Variants in ECD observed in about 807,000 individuals in gnomAD.
The protein encoded by ECD is ecdysoneless cell cycle regulator, also known as protein ecdysoneless homolog.
In ECD, 59 loss-of-function variants were observed where a neutral mutation model predicts 77.2. The ratio of observed to expected loss-of-function variants is 0.76; its 90% confidence interval spans 0.62 to 0.95. The LOEUF (loss-of-function observed/expected upper bound fraction) is 0.95. ECD is among the 40% of genes least tolerant of loss of function. The probability of loss-of-function intolerance (pLI) is 0.00; values close to 1 mark genes in which losing one functional copy is unlikely to be tolerated. For synonymous variants in ECD, 233 were observed against 267.4 expected (o/e 0.87, Z 1.26); for missense variants, 704 against 763.4 (o/e 0.92, Z 0.92).
Position 73,149,751 on chromosome 10 carries a change from G to C in ECD, c.913-1347C>G, listed in dbSNP as rs943423544. On this transcript the variant is annotated intron_variant, in intron 7 of 13. Coordinates refer to ENST00000372979, the MANE Select transcript of ECD (RefSeq NM_007265.3). ...AGGAAGTTACCCCACTGTAAGTCAA[G>C]GAACATCTGTTTTGCCAAAATGTTC... Among the ~76,000 whole-genome samples the C allele has an allele frequency of 2.6e-5, 4 of 152,190 alleles. No individual in the cohort carries two copies. In the East Asian group the frequency reaches 7.7e-4, roughly 29 times the overall value.
At chr10:73,139,831 T>TC in intron 9 of ECD, 94 bp from the exon 10 acceptor site, 4 of 818,404 alleles carry the variant, frequency 4.9e-6, no homozygotes, top group South Asian at 2.1e-5. Context: ...AGGGATTAGC[T>TC]AGTCTAATTT....
chr10:73,151,955 T>G (rs879301303), intron 7 of ECD, among the ~76,000 whole-genome samples: 14 of 152,218 alleles, frequency 9.2e-5, no homozygotes, highest in Non-Finnish European at 1.5e-4. Flanking sequence ...TGGTTTCAAG[T>G]CATGCATAGA....
intron 12 of ECD, among the ~76,000 whole-genome samples, chr10:73,137,783 A>G (rs1343064933): frequency 6.6e-6 from 1 of 152,050 alleles, no homozygotes; most frequent in African/African-American, 2.4e-5. Context: ...CTCAAAAAAA[A>G]AAAAAAAAAA....
chr10:73,157,346 G>A (rs373637626), intron 3 of ECD, among the ~76,000 whole-genome samples: 2 of 151,210 alleles, frequency 1.3e-5, no homozygotes, highest in African/African-American at 2.4e-5. Context: ...CACCACGCCC[G>A]GCCCGTATCA....
chr10:73,136,396 T>C (rs1270968811), intron 13 of ECD, among the ~76,000 whole-genome samples: 2 of 152,222 alleles, frequency 1.3e-5, no homozygotes, highest in African/African-American at 4.8e-5. Context: ...GCTGTAGTTT[T>C]TTTAAACTAC....
chr10:73,157,582 C>A (rs900549633), intron 3 of ECD, among the ~76,000 whole-genome samples: 1 of 151,138 alleles, frequency 6.6e-6, no homozygotes, highest in Non-Finnish European at 1.5e-5. Flanking sequence ...ATCAGCCAGG[C>A]GTGGTGGCCC....
chr10:73,139,555 G>T (rs768185082), intron 10 of ECD, 60 bp from the exon 11 acceptor site: 77 of 1,595,342 alleles, frequency 4.8e-5, no homozygotes, highest in Non-Finnish European at 6.1e-5. Context: ...TCTTAGGAGA[G>T]GATCCTGTGA....
chr10:73,142,287 G>T (rs919002256), intron 9 of ECD, among the ~76,000 whole-genome samples: 6 of 151,996 alleles, frequency 3.9e-5, no homozygotes, highest in Non-Finnish European at 7.4e-5. Flanking sequence ...GGGATTACAG[G>T]TGTGAGCCAC....
rs1843295692 is a variant in ECD, at chr10:73,156,322, T to C, written c.543A>G (p.Ile181Met). The change falls in exon 5 of 14, where the codon ATA becomes ATG. Residue 181 changes from isoleucine (I) to methionine (M), a missense_variant. This residue lies in a region of ECD where 559 missense variants were observed against 583.7 expected (regional missense o/e 0.96). Transcript: ENST00000372979. ...CAGCTCGTATAGATTCTGAAGCAAG[T>C]ATTTTTTCTGAATGTGCTGTGATTA... ...LNIITAHSEK[I>M]LASESIRAAV... 1 of 1,612,092 alleles carries C rather than the reference T, an allele frequency of 6.2e-7. No individual in the cohort carries two copies. Among genetic ancestry groups the C allele is most frequent in the Admixed American group, 1.7e-5 (1 of 59,536 alleles).
intron 1 of ECD, among the ~76,000 whole-genome samples, chr10:73,164,853 G>C (rs1434814208): frequency 6.6e-6 from 1 of 152,070 alleles, no homozygotes; most frequent in Non-Finnish European, 1.5e-5. Flanking sequence ...TAGAAATCTA[G>C]TATCACATTC....
chr10:73,150,789 CG>C (rs1843191753), intron 7 of ECD, among the ~76,000 whole-genome samples: 1 of 152,130 alleles, frequency 6.6e-6, no homozygotes, highest in Non-Finnish European at 1.5e-5. Flanking sequence ...CATCATCACT[CG>C]CCATCAGAGA....
chr10:73,163,780 T>A lies in ECD; in HGVS notation c.158A>T (p.Tyr53Phe). 6.2e-7 allele frequency: 1 copy of A among 1,614,144 alleles called. No homozygotes were observed. The highest frequency in any genetic ancestry group is 2.2e-5 in the East Asian group (1 of 44,872). ...ITRFAPMLVP[Y>F]IWQNQPFNLK... ...ATTGAAAGGCTGATTCTGCCAGATG[T>A]AGGGGACCAGCATAGGTGCAAACCG... Residue 53 changes from tyrosine (Y) to phenylalanine (F), a missense_variant, in exon 2 of 14, where the codon TAC becomes TTC. By Grantham distance (22) the Tyr-to-Phe change is conservative. Around this residue, in one of 3 missense-constraint regions of ECD, gnomAD observed 559 missense variants for 583.7 expected, o/e 0.96. Coordinates refer to ENST00000372979, the MANE Select transcript of ECD (RefSeq NM_007265.3).
intron 2 of ECD, 82 bp downstream of exon 2, chr10:73,163,647 CTGAA>C: frequency 7.5e-7 from 1 of 1,335,238 alleles, no homozygotes; most frequent in Non-Finnish European, 1.0e-6. Flanking sequence ...CCTGGCAACA[CTGAA>C]TGAAGCGTGG....
At chr10:73,164,444 G>A (rs1342579805) in intron 1 of ECD, among the ~76,000 whole-genome samples, 4 of 151,932 alleles carry the variant, frequency 2.6e-5, no homozygotes, top group Non-Finnish European at 5.9e-5. Context: ...ACCACCTACA[G>A]TAATATTTAT....
At chr10:73,160,654 C>CCCCAG in intron 2 of ECD, 103 bp from the exon 3 acceptor site, 2 of 825,436 alleles carry the variant, frequency 2.4e-6, no homozygotes, top group Non-Finnish European at 3.7e-6. Flanking sequence ...ACTGATTGCT[C>CCCCAG]TAAGTACTGG....
At chr10:73,161,016 C>T (rs1265251712) in intron 2 of ECD, among the ~76,000 whole-genome samples, 1 of 152,130 alleles carries the variant, frequency 6.6e-6, no homozygotes, top group East Asian at 1.9e-4. Flanking sequence ...ACAACACACT[C>T]TTGGAATAAA....
chr10:73,143,763 G>A (rs918710359), intron 9 of ECD, among the ~76,000 whole-genome samples: 3 of 142,468 alleles, frequency 2.1e-5, no homozygotes, highest in Non-Finnish European at 4.5e-5. Flanking sequence ...CTATCAAATA[G>A]TAGGTCTTAC....
rs1401443446 is a variant in ECD at position 73,154,326 on chromosome 10, C to T, written c.713G>A (p.Arg238Gln). ...VAAAVQAFYL[R>Q]DPIDLRACRV... The stretch of plus-strand genomic sequence containing the variant: ...ACAAGCTCGCAGGTCAATAGGGTCT[C>T]GTAGGTAAAATGCCTGGACTGCTGC... The change falls in exon 6 of 14, where the codon CGA (arginine) becomes CAA (glutamine). Residue 238 changes from arginine to glutamine, a missense_variant. This residue lies in a region of ECD where 559 missense variants were observed against 583.7 expected (regional missense o/e 0.96). Coordinates refer to ENST00000372979, the MANE Select transcript of ECD (RefSeq NM_007265.3). 3.1e-6 allele frequency: 5 copies of T among 1,613,938 alleles called. No homozygotes were observed. The highest frequency in any genetic ancestry group is 2.2e-5 in the East Asian group (1 of 44,880).
chr10:73,160,479 T>C lies in ECD; in HGVS notation c.278A>G (p.Tyr93Cys), dbSNP rs1404860135. The C allele has an allele frequency of 2.5e-6, 4 of 1,610,956 alleles. No individual in the cohort carries two copies. The highest frequency in any genetic ancestry group is 3.4e-6 in the Non-Finnish European group (4 of 1,178,716). The change falls in exon 3 of 14, where the codon TAT becomes TGT. Residue 93 changes from tyrosine (Y) to cysteine (C), a missense_variant. Tyr to Cys is a radical substitution (Grantham distance 194, BLOSUM62 -2). Around this residue, in one of 3 missense-constraint regions of ECD, gnomAD observed 559 missense variants for 583.7 expected, o/e 0.96. Transcript: ENST00000372979. ...TTCCTTTGTGATCTGCTTTATTACA[T>C]AAACAATAAACCATTCATCCTCAAT... Reference protein sequence around the residue: ...DNIEDEWFIVYVIKQITKEFP... With the variant: ...DNIEDEWFIVCVIKQITKEFP...
Sources: gnomAD v4.1 joint callset for allele counts (sites outside exome capture counted in the v4.1 genomes callset) on GRCh38, gnomAD v4.1.1 for gene constraint, gnomAD v4.1.1 regional missense constraint, MANE v1.5 for transcripts, NCBI Gene and HGNC (gene_info 2026-07-23, HGNC 2026-07-21) for gene names.